Variants in CBL observed in about 807,000 individuals in gnomAD.
The protein encoded by CBL is E3 ubiquitin-protein ligase CBL.
In CBL, 45 loss-of-function variants were observed where a neutral mutation model predicts 96.9. The observed-to-expected ratio is 0.46, with a 90% CI of 0.37 to 0.60. The LOEUF (loss-of-function observed/expected upper bound fraction) is 0.60. Among genes scored for constraint, CBL ranks in the 20% least tolerant of loss-of-function variants. The pLI is 0.00. For synonymous variants in CBL, 420 were observed against 426.8 expected, an observed-to-expected ratio of 0.98 and a Z score of 0.20; for missense variants, 1,024 against 1,143.5, an observed-to-expected ratio of 0.90 and a Z score of 1.51.
intron 12 of CBL, among the ~76,000 whole-genome samples, chr11:119,292,193 G>GT (rs1565270476): frequency 6.6e-6 from 1 of 151,968 alleles, no homozygotes. Flanking sequence ...CCAAACCTCC[G>GT]TAAGTTTGGT....
At chr11:119,245,956 C>CT (rs71048054) in intron 2 of CBL, among the ~76,000 whole-genome samples, 2,114 of 54,250 alleles carry the variant, frequency 0.039, 501 homozygotes, top group Non-Finnish European at 0.052. Flanking sequence ...CTTTGCAAAT[C>CT]TTTTTTTTTT....
chr11:119,281,375 C>CT (rs1949931977), intron 9 of CBL, among the ~76,000 whole-genome samples: 2 of 152,140 alleles, frequency 1.3e-5, no homozygotes, highest in South Asian at 4.1e-4. Flanking sequence ...CGTGAATTGA[C>CT]TAGTTACAGA....
chr11:119,295,273 GA>G (rs1339580925), intron 12 of CBL, among the ~76,000 whole-genome samples: 1 of 152,138 alleles, frequency 6.6e-6, no homozygotes, highest in Non-Finnish European at 1.5e-5. Flanking sequence ...CTCAGAAATG[GA>G]ATTTCTGAGA....
Position 119,212,893 on chromosome 11 carries a change from G to A in CBL, c.195+6281G>A, listed in dbSNP as rs1169009510. ...AGCATGATGGCGGGTGCCTGTCCTG[G>A]CTACAGGAGGCAGAGGTTGCAGTGA... is the stretch of plus-strand genomic sequence containing the variant. On this transcript the variant is annotated intron_variant, in intron 1 of 15. Coordinates refer to ENST00000264033, the MANE Select transcript of CBL (RefSeq NM_005188.4). 6.6e-5 allele frequency among the ~76,000 whole-genome samples: 10 copies of A among 150,836 alleles called. No homozygotes were observed. In the Admixed American group the frequency reaches 6.6e-4, roughly 10 times the overall value.
At chr11:119,218,764 C>A (rs1949383320) in intron 1 of CBL, among the ~76,000 whole-genome samples, 1 of 152,124 alleles carries the variant, frequency 6.6e-6, no homozygotes, top group Non-Finnish European at 1.5e-5. Context: ...CTTAATGACC[C>A]TCAAAGCATA....
rs766853596 is a variant in CBL, at chr11:119,285,578, T to A, written c.1941+12T>A. On this transcript the variant is annotated intron_variant, in intron 11 of 15. Transcript: ENST00000264033. ...TGGATACCTCCATGGTGAGTCTTAA[T>A]TTTGAAACTATCTAACCTGTTAAGA... 1 of 1,613,238 alleles carries A rather than the reference T, an allele frequency of 6.2e-7. No homozygotes were observed. The highest frequency in any genetic ancestry group is 1.1e-5 in the South Asian group (1 of 91,062).
At chr11:119,231,902 A>C (rs1425997360) in intron 1 of CBL, among the ~76,000 whole-genome samples, 1 of 150,418 alleles carries the variant, frequency 6.6e-6, no homozygotes, top group Non-Finnish European at 1.5e-5. Flanking sequence ...TGAGCTCAGG[A>C]GTTTGGGTCT....
intron 2 of CBL, among the ~76,000 whole-genome samples, chr11:119,234,720 C>T (rs542784395): frequency 6.6e-6 from 1 of 152,258 alleles, no homozygotes; most frequent in African/African-American, 2.4e-5. Flanking sequence ...ATTATTTCAG[C>T]ACAAGAAATT....
rs1950160502 is a variant in CBL at position 119,307,846 on chromosome 11, T to C, written c.*8065T>C. On this transcript the variant is annotated 3_prime_UTR_variant, in exon 16 of 16. Transcript: ENST00000264033. ...ACACATAGGTGAGATTTTCGTGGAC[T>C]ATTTTAAAAATGTGTCATTAATATA... The C allele has an allele frequency of 9.7e-6, 2 of 206,810 alleles. No individual in the cohort carries two copies. The highest frequency in any genetic ancestry group is 2.0e-5 in the Non-Finnish European group (2 of 101,232). The allele number at this position is 206,810 out of a possible 1,614,324, so 12.8% of individuals were successfully genotyped here.
chr11:119,220,550 G>A (rs145058603), intron 1 of CBL, among the ~76,000 whole-genome samples: 122 of 152,312 alleles, frequency 8.0e-4, no homozygotes, highest in Non-Finnish European at 1.4e-3. Flanking sequence ...AGTGAGCTGT[G>A]ATGACGCCAC....
chr11:119,277,690 T>C (rs1949900154), intron 6 of CBL, 67 bp from the exon 7 acceptor site: 1 of 1,017,302 alleles, frequency 9.8e-7, no homozygotes, highest in Non-Finnish European at 1.6e-6. Context: ...CCAGATTCCA[T>C]TTGTCTATAT....
chr11:119,293,174 G>A (rs1032672336), intron 12 of CBL, among the ~76,000 whole-genome samples: 1 of 151,340 alleles, frequency 6.6e-6, no homozygotes, highest in Non-Finnish European at 1.5e-5. Context: ...GTGCAGTCTC[G>A]GCTCTCTGCA....
In CBL at chr11:119,306,940, T is replaced by TG. The variant is rs1950147864; in HGVS notation, c.*7160dup. ...CAAAACAAAACAATTTTTAGCACAC[T>TG]GAAAAAAAAAAAAAGCCAAATGTTT... On this transcript the variant is annotated 3_prime_UTR_variant, in exon 16 of 16. Coordinates refer to ENST00000264033, the MANE Select transcript of CBL (RefSeq NM_005188.4). 1.4e-5 allele frequency: 3 copies of TG among 220,286 alleles called. No individual in the cohort carries two copies. The highest frequency in any genetic ancestry group is 2.7e-5 in the Non-Finnish European group (3 of 112,146). 13.6% of individuals were successfully genotyped at this position (220,286 alleles called of 1,614,324 possible).
chr11:119,285,153 G>A (rs1949971543), intron 10 of CBL, 36 bp from the exon 11 acceptor site: 1 of 1,614,030 alleles, frequency 6.2e-7, no homozygotes, highest in Non-Finnish European at 8.5e-7. Context: ...TGTACTAGTG[G>A]GTTTTTACTG....
intron 2 of CBL, among the ~76,000 whole-genome samples, chr11:119,245,922 C>G (rs1213211285): frequency 6.9e-6 from 1 of 144,124 alleles, no homozygotes; most frequent in Non-Finnish European, 1.5e-5. Flanking sequence ...AATAGCAGCC[C>G]AAGCAAACTA....
At chr11:119,217,824 A>G (rs1949375011) in intron 1 of CBL, among the ~76,000 whole-genome samples, 1 of 152,192 alleles carries the variant, frequency 6.6e-6, no homozygotes. Context: ...TAATCCCAGC[A>G]CTTTGAGAGG....
At chr11:119,242,692 T>C (rs188910509) in intron 2 of CBL, among the ~76,000 whole-genome samples, 74 of 150,310 alleles carry the variant, frequency 4.9e-4, no homozygotes, top group Non-Finnish European at 9.2e-4. Flanking sequence ...GGAGGATCAC[T>C]TGAGCCGCTG....
intron 1 of CBL, among the ~76,000 whole-genome samples, chr11:119,209,140 G>A (rs1289401952): frequency 6.6e-6 from 1 of 152,160 alleles, no homozygotes; most frequent in Non-Finnish European, 1.5e-5. Context: ...ATACCTCTGT[G>A]ATGTTACTAG....
intron 2 of CBL, among the ~76,000 whole-genome samples, chr11:119,269,459 C>A (rs1949826959): frequency 6.6e-6 from 1 of 151,804 alleles, no homozygotes; most frequent in Non-Finnish European, 1.5e-5. Flanking sequence ...TCCGCCTCGA[C>A]CTCCGAAAAT....
Sources: gnomAD v4.1 joint callset for allele counts (sites outside exome capture counted in the v4.1 genomes callset) on GRCh38, gnomAD v4.1.1 for gene constraint, MANE v1.5 for transcripts, NCBI Gene and HGNC (gene_info 2026-07-23, HGNC 2026-07-21) for gene names.